The following CENPF variants were observed in gnomAD, a reference collection of about 807,000 sequenced individuals.
CENPF encodes the protein AH antigen.
CENPF carries 214 observed loss-of-function variants against 307.3 expected under a neutral mutation model. The observed-to-expected ratio is 0.70, with a 90% CI of 0.62 to 0.78. The LOEUF is 0.78. CENPF is among the 30% of genes least tolerant of loss of function. The pLI, the probability that CENPF is intolerant of heterozygous loss-of-function variation, is 0.00. For synonymous variants in CENPF, 1,259 were observed against 1,270.6 expected, an observed-to-expected ratio of 0.99 and a Z score of 0.19; for missense variants, 3,401 against 3,483.9, an observed-to-expected ratio of 0.98 and a Z score of 0.60.
intron 14 of CENPF, among the ~76,000 whole-genome samples, chr1:214,649,307 A>G (rs1325497134): frequency 6.6e-6 from 1 of 152,188 alleles, no homozygotes; most frequent in African/African-American, 2.4e-5. Flanking sequence ...GCCCACTGCC[A>G]TTTCCATAGT....
At chr1:214,653,720 G>T (rs1658553552) in intron 16 of CENPF, 1 of 151,996 alleles carries the variant, frequency 6.6e-6, no homozygotes, top group Non-Finnish European at 1.5e-5. Context: ...AGAAAATTAG[G>T]TACAAATTTA....
intron 12 of CENPF, 79 bp from the exon 13 acceptor site, chr1:214,644,478 A>C (rs749760169): frequency 2.9e-6 from 4 of 1,382,772 alleles, no homozygotes; most frequent in Non-Finnish European, 3.9e-6. Flanking sequence ...TCAGTTTCTA[A>C]AAAGTAATAA....
Position 214,659,552 on chromosome 1 carries a change from C to A in CENPF, c.9141+524C>A, listed in dbSNP as rs1658739807. Among the ~76,000 whole-genome samples the A allele has an allele frequency of 6.6e-6, 1 of 151,986 alleles. No homozygotes were observed. Among genetic ancestry groups the A allele is most frequent in the African/African-American group, 2.4e-5 (1 of 41,384 alleles). On this transcript the variant is annotated intron_variant, in intron 19 of 19. Coordinates refer to ENST00000366955, the MANE Select transcript of CENPF (RefSeq NM_016343.4). This position sits in a 1 kb window ranked among gnomAD's most constrained non-coding sequence, Gnocchi z 4.4. ...GGATACAACAGGATCTTAGTGACTT[C>A]TGTGTACCCTACAACATCCCAGAAA...
chr1:214,625,679 A>G (rs1657634709), intron 7 of CENPF, among the ~76,000 whole-genome samples: 1 of 150,356 alleles, frequency 6.7e-6, no homozygotes, highest in Non-Finnish European at 1.5e-5. Flanking sequence ...GGGTTGTTTG[A>G]ACATTTTTTA....
chr1:214,608,153 C>T (rs1396872051), intron 1 of CENPF, among the ~76,000 whole-genome samples: 2 of 152,354 alleles, frequency 1.3e-5, no homozygotes, highest in East Asian at 3.9e-4. Flanking sequence ...TGCACCTGCA[C>T]ACCCAAGCTC....
At chr1:214,658,508 A>C (rs1658705220) in intron 18 of CENPF, among the ~76,000 whole-genome samples, 1 of 151,968 alleles carries the variant, frequency 6.6e-6, no homozygotes, top group African/African-American at 2.4e-5. Context: ...CCAATTTTAC[A>C]ATAAGGCCTG....
intron 16 of CENPF, chr1:214,654,408 TAAA>T: frequency 7.0e-6 from 1 of 142,220 alleles, no homozygotes; most frequent in Non-Finnish European, 1.5e-5. Context: ...CCTCATCTCT[TAAA>T]AAAAAAAAAA....
rs140541780 is a variant in CENPF, at chr1:214,646,102, G to A, written c.6532G>A (p.Glu2178Lys). Reference sequence around the variant, plus strand: ...CCAGGAGCTAGTGATTCTTGATGCCGAGAATTCCAAAGCAGAAGTAGAGAC... The same window carrying A: ...CCAGGAGCTAGTGATTCTTGATGCCAAGAATTCCAAAGCAGAAGTAGAGAC... ...ENQELVILDA[E>K]NSKAEVETLK... Residue 2178 changes from glutamate to lysine, a missense_variant, in exon 13 of 20, where the codon GAG becomes AAG. Transcript: ENST00000366955. The A allele has an allele frequency of 1.1e-4, 180 of 1,614,014 alleles. 1 individual carries two copies. The highest frequency in any genetic ancestry group is 1.4e-4 in the Non-Finnish European group (164 of 1,180,016).
At chr1:214,644,034 C>G (rs1658209759) in intron 12 of CENPF, among the ~76,000 whole-genome samples, 1 of 152,132 alleles carries the variant, frequency 6.6e-6, no homozygotes, top group Non-Finnish European at 1.5e-5. Context: ...AACAGCAGAT[C>G]CCCAGTTTAC....
At chr1:214,613,680 G>A (rs1657257901) in intron 1 of CENPF, 34 bp from the exon 2 acceptor site, 5 of 1,405,534 alleles carry the variant, frequency 3.6e-6, no homozygotes, top group Non-Finnish European at 4.8e-6. Context: ...TCCTTTTACT[G>A]TGGTAAGACC....
intron 11 of CENPF, among the ~76,000 whole-genome samples, chr1:214,638,797 C>G (rs1300038074): frequency 1.3e-5 from 2 of 152,170 alleles, no homozygotes; most frequent in African/African-American, 4.8e-5. Flanking sequence ...GAGCGAGACT[C>G]CATCTCAAAA....
chr1:214,613,639 A>G (rs17736398), intron 1 of CENPF, 75 bp from the exon 2 acceptor site: 42,409 of 1,057,186 alleles, frequency 0.04, 1,043 homozygotes, highest in Non-Finnish European at 0.047. Context: ...AGGGGTGGTT[A>G]GATAGATTCA....
intron 9 of CENPF, 77 bp from the exon 10 acceptor site, chr1:214,632,403 T>C: frequency 2.0e-6 from 3 of 1,502,172 alleles, no homozygotes; most frequent in Non-Finnish European, 2.7e-6. Flanking sequence ...CATGACCATT[T>C]TATTGTTTAA....
rs754066756 is a variant in CENPF, at chr1:214,645,448, AG to A, written c.5879del (p.Arg1960LysfsTer8). 1.9e-6 allele frequency: 3 copies of A among 1,613,986 alleles called. No homozygotes were observed. In the Admixed American group the frequency reaches 5.0e-5, roughly 27 times the overall value. ...EEELSVVTSE[R>X]NQLRGELDTM... ...AGAACTCTCAGTGGTCACAAGTGAG[AG>A]AAACCAGCTTCGTGGAGAATTAGAT... On this transcript the variant is annotated frameshift_variant, in exon 13 of 20. Transcript: ENST00000366955. LOFTEE classifies it high-confidence loss of function.
intron 12 of CENPF, among the ~76,000 whole-genome samples, chr1:214,643,876 T>G (rs1658205913): frequency 2.0e-5 from 3 of 152,232 alleles, no homozygotes; most frequent in Admixed American, 6.5e-5. Flanking sequence ...GAATACATAT[T>G]TGTTTAATTG....
chr1:214,641,424 G>A lies in CENPF; in HGVS notation c.3086G>A (p.Cys1029Tyr), dbSNP rs775764747. 1.3e-6 allele frequency: 2 copies of A among 1,569,626 alleles called. No individual in the cohort carries two copies. Among genetic ancestry groups the A allele is most frequent in the Non-Finnish European group, 1.7e-6 (2 of 1,166,686 alleles). ...KQEKLILLQR[C>Y]EETGNAYEDL... ...GAAAAACTTATTTTACTACAAAGAT[G>A]TGAAGAAACCGGAAATGCATATGAG... The change falls in exon 12 of 20, where the codon TGT (cysteine) becomes TAT (tyrosine). Residue 1029 changes from cysteine to tyrosine, a missense_variant. Transcript: ENST00000366955.
chr1:214,649,852 T>G (rs1188477615), intron 14 of CENPF, among the ~76,000 whole-genome samples: 1 of 152,198 alleles, frequency 6.6e-6, no homozygotes, highest in African/African-American at 2.4e-5. Flanking sequence ...TACATATGAG[T>G]GTGTTAGTTT....
At position 214,618,557 on chromosome 1, in the gene CENPF, G is replaced by A. The variant is rs1657419999; in HGVS notation, c.360-16G>A. The A allele has an allele frequency of 8.1e-6, 13 of 1,612,422 alleles. No homozygotes were observed. Among genetic ancestry groups the A allele is most frequent in the Non-Finnish European group, 1.1e-5 (13 of 1,179,406 alleles). On this transcript the variant is annotated splice_polypyrimidine_tract_variant and intron_variant, in intron 3 of 19. Coordinates refer to ENST00000366955, the MANE Select transcript of CENPF (RefSeq NM_016343.4). ...CTCTAACTGATTTGTCTGCCTCTTGGGTCCTTTTCTAACAGGTGTAAATCT... is the reference window on the plus strand; with the variant it reads ...CTCTAACTGATTTGTCTGCCTCTTGAGTCCTTTTCTAACAGGTGTAAATCT...
chr1:214,632,689 G>A (rs1360960564), intron 10 of CENPF, 87 bp downstream of exon 10: 1 of 1,489,384 alleles, frequency 6.7e-7, no homozygotes, highest in South Asian at 1.3e-5. Context: ...TTTGTCAGTT[G>A]CTTGTCATGA....
Sources: gnomAD v4.1 joint callset for allele counts (sites outside exome capture counted in the v4.1 genomes callset) on GRCh38, gnomAD v4.1.1 for gene constraint, Gnocchi (gnomAD v3.1) non-coding constraint, MANE v1.5 for transcripts, NCBI Gene and HGNC (gene_info 2026-07-23, HGNC 2026-07-21) for gene names.